CDH18: variants seen among roughly 807,000 people sequenced by gnomAD.
The protein encoded by CDH18 is cadherin 18.
A neutral mutation model predicts 67.9 loss-of-function variants in CDH18; 31 were observed. The ratio of observed to expected loss-of-function variants is 0.46; its 90% CI spans 0.34 to 0.62. CDH18 has a LOEUF of 0.62. Among genes scored for constraint, CDH18 ranks in the 20% least tolerant of loss-of-function variants. The probability of loss-of-function intolerance (pLI) is 0.01; values close to 1 mark genes in which losing one functional copy is unlikely to be tolerated. For missense variants in CDH18, 890 were observed against 975.5 expected (o/e 0.91, Z 1.17); for synonymous variants, 362 against 347.2 (o/e 1.04, Z -0.48).
chr5:19,534,489 A>T (rs1465376333), intron 9 of CDH18, among the ~76,000 whole-genome samples: 1 of 152,180 alleles, frequency 6.6e-6, no homozygotes, highest in Non-Finnish European at 1.5e-5. Context: ...ACGTTAAAAA[A>T]TTCAGAAGAT....
intron 5 of CDH18, among the ~76,000 whole-genome samples, chr5:19,692,307 AG>A (rs1490841638): frequency 6.6e-6 from 1 of 152,140 alleles, no homozygotes; most frequent in Non-Finnish European, 1.5e-5. Flanking sequence ...GAAACATTTT[AG>A]GACATTGGCC....
At chr5:19,803,648 T>C (rs1360955696) in intron 3 of CDH18, among the ~76,000 whole-genome samples, 1 of 152,234 alleles carries the variant, frequency 6.6e-6, no homozygotes, top group Non-Finnish European at 1.5e-5. Context: ...CTGTCATTCA[T>C]CGAGGTAATC....
intron 1 of CDH18, among the ~76,000 whole-genome samples, chr5:20,508,636 C>G (rs1170954474): frequency 1.3e-5 from 2 of 151,674 alleles, no homozygotes; most frequent in Non-Finnish European, 2.9e-5. Flanking sequence ...TTAACATGAT[C>G]CTGTGTGTGG....
intron 2 of CDH18, among the ~76,000 whole-genome samples, chr5:20,071,175 T>A (rs548584443): frequency 4.6e-5 from 7 of 152,110 alleles, no homozygotes; most frequent in Non-Finnish European, 1.0e-4. Flanking sequence ...TACACTGGCA[T>A]TTAAGATTTG....
intron 2 of CDH18, among the ~76,000 whole-genome samples, chr5:19,957,522 A>G (rs376427533): frequency 1.3e-5 from 2 of 151,900 alleles, no homozygotes; most frequent in Non-Finnish European, 2.9e-5. Context: ...ATTAAGATGT[A>G]CATTGCAGTT....
intron 3 of CDH18, among the ~76,000 whole-genome samples, chr5:19,799,464 A>C (rs1308926369): frequency 6.6e-6 from 1 of 151,758 alleles, no homozygotes; most frequent in East Asian, 1.9e-4. Flanking sequence ...ACACACACAC[A>C]CACACACACC....
At chr5:19,579,693 T>A in intron 7 of CDH18, among the ~76,000 whole-genome samples, 1 of 151,842 alleles carries the variant, frequency 6.6e-6, no homozygotes, top group East Asian at 1.9e-4. Context: ...TTATTACTAA[T>A]AAATTTTTTT....
chr5:20,338,087 C>T (rs1217917723), intron 1 of CDH18, among the ~76,000 whole-genome samples: 4 of 152,184 alleles, frequency 2.6e-5, no homozygotes, highest in African/African-American at 7.2e-5. Flanking sequence ...GATTCAGTTA[C>T]CTACCACTGG....
intron 3 of CDH18, among the ~76,000 whole-genome samples, chr5:19,823,643 C>A (rs990461434): frequency 6.6e-6 from 1 of 152,074 alleles, no homozygotes; most frequent in Non-Finnish European, 1.5e-5. Context: ...GACTTATCAC[C>A]CCACTGACAG....
chr5:20,407,087 A>T (rs531399352), intron 1 of CDH18, among the ~76,000 whole-genome samples: 176 of 152,314 alleles, frequency 1.2e-3, no homozygotes, highest in Non-Finnish European at 1.9e-3. Flanking sequence ...GATCCCATAT[A>T]CACTAGACCC....
intron 6 of CDH18, among the ~76,000 whole-genome samples, chr5:19,600,347 A>G (rs1746910961): frequency 6.6e-6 from 1 of 151,844 alleles, no homozygotes; most frequent in African/African-American, 2.4e-5. Context: ...TAAAAGTATA[A>G]TAATTAAAAA....
chr5:19,741,054 T>A (rs1411376464), intron 4 of CDH18, among the ~76,000 whole-genome samples: 1 of 92,500 alleles, frequency 1.1e-5, no homozygotes, highest in Non-Finnish European at 2.2e-5. Flanking sequence ...TGTTCACATA[T>A]GTTTACTGTT....
At chr5:19,835,339 G>A (rs555778622) in intron 3 of CDH18, among the ~76,000 whole-genome samples, 2 of 152,084 alleles carry the variant, frequency 1.3e-5, no homozygotes, top group South Asian at 2.1e-4. Flanking sequence ...TGGACACAGA[G>A]AGGGAAAAAA....
intron 2 of CDH18, among the ~76,000 whole-genome samples, chr5:20,213,827 A>T (rs1740544500): frequency 6.6e-6 from 1 of 151,824 alleles, no homozygotes; most frequent in African/African-American, 2.4e-5. Context: ...TTTAAAGAAA[A>T]CCTACTCCTG....
At position 20,555,408 on chromosome 5, in the gene CDH18, C is replaced by CTTTTTTTT. The variant is rs774396694; in HGVS notation, c.-580+20046_-580+20053dup. On this transcript the variant is annotated intron_variant, in intron 1 of 14. Transcript: ENST00000507958. ...GCCAGAACCACCAAGACAAGCTTTT[C>CTTTTTTTT]TTTTTTTTTTTTTTTTTTTTTTTTT... Among the ~76,000 whole-genome samples, 111 of 103,638 alleles carry CTTTTTTTT rather than the reference C, an allele frequency of 1.1e-3. 1 individual carries two copies. Among genetic ancestry groups the CTTTTTTTT allele is most frequent in the African/African-American group, 1.4e-3 (35 of 24,364 alleles). The allele number at this position is 103,638 out of a possible 152,430, so 68.0% of individuals were successfully genotyped here. A position where few individuals can be genotyped will look rare whatever the true frequency, so the allele number is the denominator to read the frequency against.
intron 1 of CDH18, among the ~76,000 whole-genome samples, chr5:20,558,023 TGTTATAGTTATATAACATTA>T (rs1758009031): frequency 1.4e-5 from 2 of 143,084 alleles, no homozygotes; most frequent in Non-Finnish European, 3.0e-5. Context: ...TAACATTAAA[TGTTATAGTTATATAACATTA>T]ATTGTTATAT....
intron 2 of CDH18, among the ~76,000 whole-genome samples, chr5:19,869,514 T>C (rs1161351643): frequency 6.6e-6 from 1 of 152,058 alleles, no homozygotes; most frequent in African/African-American, 2.4e-5. Context: ...ATTTTCTCTA[T>C]CAAGAAAATA....
chr5:20,305,262 T>G, intron 1 of CDH18: 1 of 1,418,694 alleles, frequency 7.0e-7, no homozygotes, highest in South Asian at 1.1e-5. Context: ...AAGGTACCAC[T>G]AAACCTTTAA....
In CDH18 at chr5:19,483,371, G is replaced by A. The variant is rs1739803329; in HGVS notation, c.1812C>T (p.Ala604=). 1 of 1,614,122 alleles carries A rather than the reference G, an allele frequency of 6.2e-7. No individual in the cohort carries two copies. Among genetic ancestry groups the A allele is most frequent in the Non-Finnish European group, 8.5e-7 (1 of 1,180,032 alleles). The change falls in exon 12 of 13, where the codon GCC becomes GCT. Residue 604 remains alanine (A), a synonymous_variant. Transcript: ENST00000382275. ...DGRVRTCHAE[A]FLSSAGLSTG... is the part of the protein sequence containing the mutation. ...TACTCAAACCAGCCGAGGACAGGAA[G>A]GCTTCTGCATGGCAGGTCCGCACAC... is the stretch of plus-strand genomic sequence containing the variant.
Sources: gnomAD v4.1 joint callset for allele counts (sites outside exome capture counted in the v4.1 genomes callset) on GRCh38, gnomAD v4.1.1 for gene constraint, MANE v1.5 for transcripts, NCBI Gene and HGNC (gene_info 2026-07-23, HGNC 2026-07-21) for gene names.